Variants in CNTN5 observed in about 807,000 individuals in gnomAD.
CNTN5 encodes contactin 5.
Under a neutral mutation model 129.1 loss-of-function variants are expected in CNTN5, and 77 were observed. The ratio of observed to expected loss-of-function variants is 0.60; its 90% CI spans 0.50 to 0.72. The LOEUF (loss-of-function observed/expected upper bound fraction) is 0.72. CNTN5 is among the 30% of genes least tolerant of loss of function. The probability of loss-of-function intolerance (pLI) is 0.00; values close to 1 mark genes in which losing one functional copy is unlikely to be tolerated. For synonymous variants in CNTN5, 509 were observed against 465.6 expected, an observed-to-expected ratio of 1.09 and a Z score of -1.20; for missense variants, 1,478 against 1,328.8, an observed-to-expected ratio of 1.11 and a Z score of -1.75.
intron 1 of CNTN5, among the ~76,000 whole-genome samples, chr11:99,182,708 C>A (rs75327401): frequency 6.6e-6 from 1 of 152,184 alleles, no homozygotes; most frequent in South Asian, 2.1e-4. Context: ...CAGTTTTTAA[C>A]GTACTCGGGC....
chr11:99,972,581 CAGCT>C (rs35451081), intron 8 of CNTN5, among the ~76,000 whole-genome samples: 8,747 of 152,254 alleles, frequency 0.057, 336 homozygotes, highest in Non-Finnish European at 0.082. Context: ...GAACCACACC[CAGCT>C]AGCAGACTAT....
At chr11:99,212,164 A>G (rs1343232050) in intron 1 of CNTN5, among the ~76,000 whole-genome samples, 1 of 152,124 alleles carries the variant, frequency 6.6e-6, no homozygotes, top group Non-Finnish European at 1.5e-5. Context: ...GCTGGGATAT[A>G]AGTTGGGTTG....
intron 6 of CNTN5, among the ~76,000 whole-genome samples, chr11:99,906,508 G>C (rs1461132405): frequency 6.6e-6 from 1 of 152,128 alleles, no homozygotes; most frequent in Non-Finnish European, 1.5e-5. Context: ...ATAAGCTGGT[G>C]GTGGATAAGC....
At chr11:99,201,144 C>T (rs2135628725) in intron 1 of CNTN5, among the ~76,000 whole-genome samples, 1 of 150,614 alleles carries the variant, frequency 6.6e-6, no homozygotes, top group East Asian at 2.0e-4. Flanking sequence ...CCTGCGTCAG[C>T]CTCCTGAGTA....
chr11:99,520,133 T>G (rs914983630), intron 2 of CNTN5, among the ~76,000 whole-genome samples: 6 of 152,100 alleles, frequency 3.9e-5, no homozygotes, highest in African/African-American at 1.4e-4. Context: ...TTTGGTGACT[T>G]AAAAATTAAA....
At chr11:99,203,570 T>C (rs964478998) in intron 1 of CNTN5, among the ~76,000 whole-genome samples, 2 of 152,042 alleles carry the variant, frequency 1.3e-5, no homozygotes, top group Non-Finnish European at 2.9e-5. Flanking sequence ...CAGATTTTCA[T>C]GTAACATTTC....
intron 8 of CNTN5, among the ~76,000 whole-genome samples, chr11:99,983,893 TTGA>T (rs1938508052): frequency 6.6e-6 from 1 of 152,042 alleles, no homozygotes; most frequent in African/African-American, 2.4e-5. Context: ...GCATTCAGAT[TTGA>T]TGATGATGGT....
At chr11:99,546,162 G>T (rs1227827534) in intron 2 of CNTN5, among the ~76,000 whole-genome samples, 1 of 152,118 alleles carries the variant, frequency 6.6e-6, no homozygotes. Flanking sequence ...ATGATGGAAT[G>T]TCATTTGATG....
At chr11:99,758,679 G>T (rs763686730) in intron 3 of CNTN5, among the ~76,000 whole-genome samples, 1 of 151,948 alleles carries the variant, frequency 6.6e-6, no homozygotes, top group Non-Finnish European at 1.5e-5. Context: ...TCTAGGAGAA[G>T]GTGACATGAA....
intron 3 of CNTN5, among the ~76,000 whole-genome samples, chr11:99,594,600 T>C (rs1444457259): frequency 6.6e-6 from 1 of 152,214 alleles, no homozygotes; most frequent in Non-Finnish European, 1.5e-5. Context: ...TGGCCGGTTC[T>C]ATCAATATGA....
At chr11:99,878,970 T>C (rs774687727) in intron 6 of CNTN5, among the ~76,000 whole-genome samples, 4 of 152,148 alleles carry the variant, frequency 2.6e-5, no homozygotes, top group Non-Finnish European at 4.4e-5. Flanking sequence ...TCTGGCTCTG[T>C]CGCTCGCGCT....
At chr11:99,890,422 T>A (rs924786355) in intron 6 of CNTN5, among the ~76,000 whole-genome samples, 1 of 152,128 alleles carries the variant, frequency 6.6e-6, no homozygotes, top group South Asian at 2.1e-4. Flanking sequence ...TAGATACTTA[T>A]TTTATATTTT....
intron 7 of CNTN5, among the ~76,000 whole-genome samples, chr11:99,951,026 A>G (rs961466171): frequency 1.3e-5 from 2 of 152,178 alleles, no homozygotes; most frequent in African/African-American, 2.4e-5. Context: ...CTAATTTTAC[A>G]TGAAATATTG....
intron 15 of CNTN5, among the ~76,000 whole-genome samples, chr11:100,216,606 T>A (rs866224161): frequency 6.6e-5 from 10 of 151,912 alleles, no homozygotes; most frequent in Admixed American, 3.3e-4. Context: ...AAGTAAATGA[T>A]GGCATGAGCA....
intron 2 of CNTN5, among the ~76,000 whole-genome samples, chr11:99,344,001 T>C (rs1866639511): frequency 6.6e-6 from 1 of 152,218 alleles, no homozygotes; most frequent in Non-Finnish European, 1.5e-5. Flanking sequence ...TGACTATTTA[T>C]AAAATAGCCT....
At chr11:100,286,161 T>C (rs1238028) in intron 18 of CNTN5, among the ~76,000 whole-genome samples, 129,849 of 151,524 alleles carry the variant, frequency 0.86, 56,060 homozygotes, top group East Asian at 1. Context: ...AACTGCAAGG[T>C]GGCAGCCAGG....
At chr11:99,452,448 T>C (rs963925199) in intron 2 of CNTN5, among the ~76,000 whole-genome samples, 7 of 140,460 alleles carry the variant, frequency 5.0e-5, no homozygotes, top group Non-Finnish European at 6.1e-5. Context: ...TCTTGGCTCA[T>C]AGCAAACTCT....
chr11:99,066,732 T>C (rs1156910931), intron 1 of CNTN5, among the ~76,000 whole-genome samples: 5 of 152,108 alleles, frequency 3.3e-5, no homozygotes, highest in East Asian at 3.9e-4. Flanking sequence ...CCCCAGCTCT[T>C]ACATTGTGAA....
At chr11:99,082,894 A>G (rs1299648814) in intron 1 of CNTN5, among the ~76,000 whole-genome samples, 3 of 152,202 alleles carry the variant, frequency 2.0e-5, no homozygotes, top group Non-Finnish European at 4.4e-5. Flanking sequence ...TAAGTAAAGT[A>G]CATTTAAATA....
Sources: allele counts gnomAD v4.1 joint callset (sites outside exome capture counted in the v4.1 genomes callset), GRCh38; gene constraint gnomAD v4.1.1; transcripts MANE v1.5; gene names NCBI Gene and HGNC (gene_info 2026-07-23, HGNC 2026-07-21).